Variants in EFHD1 observed in about 807,000 individuals in gnomAD.
EFHD1 encodes EF-hand domain-containing protein D1.
A neutral mutation model predicts 17.2 loss-of-function variants in EFHD1; 10 were observed. The ratio of observed to expected loss-of-function variants is 0.58; its 90% confidence interval spans 0.36 to 0.99. EFHD1 has a LOEUF of 0.99. Ranked by LOEUF, EFHD1 falls within the 50% of genes least tolerant of loss-of-function variation. EFHD1 has a pLI of 0.01. For missense variants in EFHD1, 310 were observed against 327.5 expected (o/e 0.95, Z 0.41); for synonymous variants, 153 against 142.0 (o/e 1.08, Z -0.55).
intron 1 of EFHD1, among the ~76,000 whole-genome samples, chr2:232,657,331 C>T (rs1574723965): frequency 6.6e-6 from 1 of 152,062 alleles, no homozygotes; most frequent in Non-Finnish European, 1.5e-5. Context: ...GCCCTTTTTG[C>T]GACTGGCTTA....
chr2:232,633,590 C>T, upstream of EFHD1: 2 of 1,304,770 alleles, frequency 1.5e-6, no homozygotes, highest in Non-Finnish European at 1.9e-6. Flanking sequence ...CCGCCGGGTC[C>T]CCGCCGCCTC....
chr2:232,647,391 T>A (rs1694552382), intron 1 of EFHD1, among the ~76,000 whole-genome samples: 1 of 152,244 alleles, frequency 6.6e-6, no homozygotes, highest in African/African-American at 2.4e-5. Context: ...TGGCCTGCTC[T>A]GAGACCTGTG....
Position 232,662,839 on chromosome 2 carries a change from G to A in EFHD1, c.340G>A (p.Glu114Lys), listed in dbSNP as rs1559353125. The A allele has an allele frequency of 1.9e-6, 3 of 1,588,504 alleles. No homozygotes were observed. Among genetic ancestry groups the A allele is most frequent in the Non-Finnish European group, 2.6e-6 (3 of 1,169,212 alleles). The change falls in exon 2 of 4, where the codon GAG (glutamate) becomes AAG (lysine). Residue 114 changes from glutamate (E) to lysine (K), a missense_variant. By Grantham distance (56) the Glu-to-Lys change is moderately conservative. Coordinates refer to ENST00000264059, the MANE Select transcript of EFHD1 (RefSeq NM_025202.4). ...GCGGGATGGCTTCATCGACCTGATG[G>A]AGCTGAAGCTGATGATGGAGAAGCT... ...AGRDGFIDLM[E>K]LKLMMEKLGA...
At chr2:232,616,936 T>C (rs1693937092) in intron 1 of EFHD1, among the ~76,000 whole-genome samples, 1 of 152,224 alleles carries the variant, frequency 6.6e-6, no homozygotes, top group Non-Finnish European at 1.5e-5. Flanking sequence ...ACAGGCAAGG[T>C]TGCCCTTCTC....
At chr2:232,645,721 TC>T (rs2106200607) in intron 1 of EFHD1, among the ~76,000 whole-genome samples, 1 of 152,282 alleles carries the variant, frequency 6.6e-6, no homozygotes, top group East Asian at 1.9e-4. Flanking sequence ...CTTAGCGATT[TC>T]CACATGGGAA....
chr2:232,648,447 C>T (rs2106202238), intron 1 of EFHD1, among the ~76,000 whole-genome samples: 1 of 151,956 alleles, frequency 6.6e-6, no homozygotes, highest in East Asian at 1.9e-4. Context: ...GGTGATTTGA[C>T]AGCTGGGGAG....
intron 1 of EFHD1, among the ~76,000 whole-genome samples, chr2:232,636,506 T>G (rs1456705888): frequency 6.6e-6 from 1 of 152,212 alleles, no homozygotes; most frequent in East Asian, 1.9e-4. Flanking sequence ...AATTTTTAGA[T>G]TATCACATAT....
In EFHD1 at chr2:232,610,038, G is replaced by A. The variant is rs1693783074; in HGVS notation, c.14+3865G>A. ...CTCACACATGCATTAAACCCCAAAG[G>A]TGAAAGGAGAGGGCTCAGGGCACAG... On this transcript the variant is annotated intron_variant, in intron 1 of 3. Transcript: ENST00000409613. Among the ~76,000 whole-genome samples, 3 of 152,342 alleles carry A rather than the reference G, an allele frequency of 2.0e-5. No individual in the cohort carries two copies. The South Asian group carries it at 6.2e-4, about 32-fold the overall frequency.
chr2:232,664,458 A>T (rs78410622), intron 2 of EFHD1, among the ~76,000 whole-genome samples: 2,562 of 151,226 alleles, frequency 0.017, 45 homozygotes, highest in Middle Eastern at 0.041. Context: ...ATTTTTTATT[A>T]AAAAAAATTT....
chr2:232,647,589 T>TCC (rs1007419186), intron 1 of EFHD1, among the ~76,000 whole-genome samples: 2 of 151,864 alleles, frequency 1.3e-5, no homozygotes, highest in African/African-American at 4.8e-5. Flanking sequence ...GAATTAGGTT[T>TCC]CCAGGGGCCC....
Position 232,633,854 on chromosome 2 carries a change from C to T in EFHD1, c.150C>T (p.Ser50=), listed in dbSNP as rs773171073. 27 of 1,504,068 alleles carry T rather than the reference C, an allele frequency of 1.8e-5. No individual in the cohort carries two copies. The highest frequency in any genetic ancestry group is 2.8e-5 in the East Asian group (1 of 36,298). The allele number at this position is 1,504,068 out of a possible 1,614,324, so 93.2% of individuals were successfully genotyped here. A position where few individuals can be genotyped will look rare whatever the true frequency, so the allele number is the denominator to read the frequency against. The change falls in exon 1 of 4, where the codon AGC becomes AGT. Residue 50 remains serine, a synonymous_variant. Coordinates refer to ENST00000264059, the MANE Select transcript of EFHD1 (RefSeq NM_025202.4). ...PEPPARAPTA[S]ADAELSAQLS... Reference sequence around the variant, plus strand: ...CTCCCGCCCGTGCGCCCACGGCCAGCGCCGACGCGGAGCTGAGCGCCCAGC... The same window carrying T: ...CTCCCGCCCGTGCGCCCACGGCCAGTGCCGACGCGGAGCTGAGCGCCCAGC...
At chr2:232,616,796 AC>A (rs1460802345) in intron 1 of EFHD1, among the ~76,000 whole-genome samples, 5 of 150,518 alleles carry the variant, frequency 3.3e-5, no homozygotes, top group African/African-American at 1.2e-4. Flanking sequence ...TGAAATGTAC[AC>A]CTAAAAATGG....
upstream of EFHD1, among the ~76,000 whole-genome samples, chr2:232,631,286 TTCTC>T (rs955159128): frequency 7.4e-5 from 11 of 147,998 alleles, no homozygotes; most frequent in South Asian, 2.1e-4. Flanking sequence ...CTCTCTTTCT[TTCTC>T]TCTCTCTCTC....
chr2:232,614,065 C>CACACACATACATAT (rs1559336046), intron 1 of EFHD1, among the ~76,000 whole-genome samples: 1 of 151,850 alleles, frequency 6.6e-6, no homozygotes, highest in African/African-American at 2.4e-5. Context: ...CATACACATG[C>CACACACATACATAT]ACACACATTA....
chr2:232,642,614 A>C, intron 1 of EFHD1, among the ~76,000 whole-genome samples: 1 of 152,148 alleles, frequency 6.6e-6, no homozygotes, highest in African/African-American at 2.4e-5. Flanking sequence ...GGAGATAAGA[A>C]TCTTATGACT....
intron 3 of EFHD1, among the ~76,000 whole-genome samples, chr2:232,676,312 C>T (rs1471366241): frequency 2.0e-5 from 3 of 152,144 alleles, no homozygotes; most frequent in Admixed American, 6.5e-5. Flanking sequence ...ATTTGAAGGC[C>T]ATCATGTTGG....
intron 1 of EFHD1, among the ~76,000 whole-genome samples, chr2:232,614,316 C>T (rs1025084933): frequency 1.3e-5 from 2 of 152,106 alleles, no homozygotes; most frequent in African/African-American, 4.8e-5. Context: ...GCCTCTCCTG[C>T]CTCTCCTCCC....
intron 3 of EFHD1, among the ~76,000 whole-genome samples, chr2:232,677,243 TAC>T (rs569120803): frequency 9.1e-5 from 9 of 99,304 alleles, no homozygotes; most frequent in Admixed American, 2.1e-4. Context: ...CACACACACG[TAC>T]ACACACACAT....
At chr2:232,611,667 C>G (rs1693818153) in intron 1 of EFHD1, 1 of 152,248 alleles carries the variant, frequency 6.6e-6, no homozygotes, top group Admixed American at 6.5e-5. Flanking sequence ...AAGGCAAGAA[C>G]AGTTCCAGCC....
Sources: gnomAD v4.1 joint callset for allele counts (sites outside exome capture counted in the v4.1 genomes callset) on GRCh38, gnomAD v4.1.1 for gene constraint, MANE v1.5 for transcripts, NCBI Gene and HGNC (gene_info 2026-07-23, HGNC 2026-07-21) for gene names.